HPSE2: variants seen among roughly 807,000 people sequenced by gnomAD.
The protein encoded by HPSE2 is heparanase 2 (inactive), also known as inactive heparanase-2.
HPSE2 carries 38 observed loss-of-function variants against 60.5 expected under a neutral mutation model. The observed-to-expected ratio is 0.63, with a 90% CI of 0.48 to 0.82. The LOEUF (loss-of-function observed/expected upper bound fraction) is 0.82, where lower values mean the gene tolerates loss of function less well. Ranked by LOEUF, HPSE2 falls within the 40% of genes least tolerant of loss-of-function variation. HPSE2 has a pLI of 0.00. For missense variants in HPSE2, 713 were observed against 740.4 expected (o/e 0.96, Z 0.43); for synonymous variants, 295 against 293.2 (o/e 1.01, Z -0.06).
At chr10:99,116,370 T>C (rs1844691280) in intron 3 of HPSE2, among the ~76,000 whole-genome samples, 1 of 152,226 alleles carries the variant, frequency 6.6e-6, no homozygotes, top group African/African-American at 2.4e-5. Flanking sequence ...TTGGCATTTA[T>C]ATTTTTACAG....
chr10:98,970,064 C>T (rs183327095), intron 3 of HPSE2, among the ~76,000 whole-genome samples: 11 of 151,950 alleles, frequency 7.2e-5, no homozygotes, highest in East Asian at 1.9e-4. Context: ...CAGGTTCAAG[C>T]GATTCTCCTG....
chr10:99,059,159 GC>G (rs1465388376), intron 3 of HPSE2, among the ~76,000 whole-genome samples: 4 of 152,216 alleles, frequency 2.6e-5, no homozygotes, highest in African/African-American at 9.6e-5. Flanking sequence ...CAGGAAGCAG[GC>G]CAGATTTGGC....
At chr10:98,557,626 A>G (rs1026626742) in intron 9 of HPSE2, among the ~76,000 whole-genome samples, 7 of 152,200 alleles carry the variant, frequency 4.6e-5, no homozygotes, top group African/African-American at 1.7e-4. Flanking sequence ...AAACTGGACA[A>G]TGTTAAAGTT....
intron 3 of HPSE2, among the ~76,000 whole-genome samples, chr10:99,037,998 A>G (rs918512342): frequency 1.8e-4 from 27 of 152,150 alleles, no homozygotes; most frequent in Admixed American, 6.5e-4. Context: ...ATATCACTAC[A>G]TATCTATTCC....
chr10:99,061,066 C>T (rs545156586), intron 3 of HPSE2, among the ~76,000 whole-genome samples: 1 of 151,886 alleles, frequency 6.6e-6, no homozygotes, highest in East Asian at 1.9e-4. Context: ...GTGAGGGAGA[C>T]AACAATAAAG....
chr10:98,580,383 A>G (rs554480191), intron 9 of HPSE2, among the ~76,000 whole-genome samples: 1 of 152,146 alleles, frequency 6.6e-6, no homozygotes, highest in South Asian at 2.1e-4. Context: ...CACATCTACT[A>G]GTGAAATAGG....
At chr10:98,696,393 G>A (rs1298274283) in intron 5 of HPSE2, among the ~76,000 whole-genome samples, 3 of 151,838 alleles carry the variant, frequency 2.0e-5, no homozygotes, top group African/African-American at 7.3e-5. Context: ...TAGGCAGCTG[G>A]CGTGACCCAC....
At chr10:98,493,923 C>CTT (rs1941744782) in intron 9 of HPSE2, among the ~76,000 whole-genome samples, 1 of 152,062 alleles carries the variant, frequency 6.6e-6, no homozygotes, top group Admixed American at 6.6e-5. Flanking sequence ...TGTTTAAATT[C>CTT]CTTTCTCATT....
At chr10:98,522,839 G>A (rs1198074659) in intron 9 of HPSE2, among the ~76,000 whole-genome samples, 1 of 152,202 alleles carries the variant, frequency 6.6e-6, no homozygotes, top group Non-Finnish European at 1.5e-5. Flanking sequence ...CAGAAGTCCT[G>A]CATCTTATCC....
At chr10:98,872,113 T>C (rs1195897176) in intron 3 of HPSE2, among the ~76,000 whole-genome samples, 1 of 152,082 alleles carries the variant, frequency 6.6e-6, no homozygotes, top group Non-Finnish European at 1.5e-5. Flanking sequence ...CGTTACTATA[T>C]GGACTAGTAC....
the HPSE2 span, among the ~76,000 whole-genome samples, chr10:99,306,073 CACAG>C: frequency 1.2e-4 from 18 of 149,916 alleles, no homozygotes; most frequent in Middle Eastern, 3.4e-3. Context: ...ATGAAGAAGA[CACAG>C]ACAGAGAGGG....
chr10:98,915,353 T>C (rs1173572292), intron 3 of HPSE2, among the ~76,000 whole-genome samples: 1 of 152,024 alleles, frequency 6.6e-6, no homozygotes, highest in Non-Finnish European at 1.5e-5. Context: ...TTCACTGTGT[T>C]AGCCAGGATG....
At chr10:98,854,976 C>T (rs962775943) in intron 3 of HPSE2, among the ~76,000 whole-genome samples, 1 of 152,144 alleles carries the variant, frequency 6.6e-6, no homozygotes, top group Non-Finnish European at 1.5e-5. Flanking sequence ...TAAAGAACTT[C>T]ACTGTCACCT....
intron 4 of HPSE2, among the ~76,000 whole-genome samples, chr10:98,722,555 G>T (rs886965253): frequency 7.2e-5 from 11 of 152,062 alleles, no homozygotes; most frequent in Non-Finnish European, 1.6e-4. Context: ...ATGGTAAGAA[G>T]TGAAATCTTC....
intron 3 of HPSE2, among the ~76,000 whole-genome samples, chr10:98,768,916 G>A (rs1950182468): frequency 6.6e-6 from 1 of 152,068 alleles, no homozygotes; most frequent in Admixed American, 6.6e-5. Context: ...CCAGGCTGGT[G>A]GCAAGCACCT....
At chr10:99,266,891 A>G in the HPSE2 span, among the ~76,000 whole-genome samples, 1 of 152,138 alleles carries the variant, frequency 6.6e-6, no homozygotes, top group Admixed American at 6.5e-5. Flanking sequence ...TAGATCCAGA[A>G]GACAAATAAC....
intron 3 of HPSE2, among the ~76,000 whole-genome samples, chr10:99,061,427 G>A (rs1175719597): frequency 6.6e-6 from 1 of 152,180 alleles, no homozygotes; most frequent in East Asian, 1.9e-4. Flanking sequence ...ACTAAATGTA[G>A]CTGGGGTTTG....
chr10:98,861,762 C>G (rs2134781170), intron 3 of HPSE2, among the ~76,000 whole-genome samples: 1 of 152,112 alleles, frequency 6.6e-6, no homozygotes, highest in South Asian at 2.1e-4. Flanking sequence ...ACTGGACAAT[C>G]AAAAGATAAT....
rs371089049 is a variant in HPSE2 at position 98,459,649 on chromosome 10, T to C, written c.1704A>G (p.Thr568=). The C allele has an allele frequency of 7.9e-5, 127 of 1,614,044 alleles. 2 individuals are homozygous for C. Among genetic ancestry groups the C allele is most frequent in the South Asian group, 5.9e-4 (54 of 91,090 alleles). The change falls in exon 12 of 12, where the codon ACA becomes ACG. Residue 568 remains threonine (T), a synonymous_variant. Coordinates refer to ENST00000370552, the MANE Select transcript of HPSE2 (RefSeq NM_021828.5). Reference sequence around the variant, plus strand: ...CCATGGTGACTGGAGGGATGACCAATGTCCGGCCGGCCCGAAGGGGGCGGG... The same window carrying C: ...CCATGGTGACTGGAGGGATGACCAACGTCCGGCCGGCCCGAAGGGGGCGGG... ...LKPRPLRAGR[T]LVIPPVTMGF... is the part of the protein sequence containing the mutation.
Sources: allele counts gnomAD v4.1 joint callset (sites outside exome capture counted in the v4.1 genomes callset), GRCh38; gene constraint gnomAD v4.1.1; transcripts MANE v1.5; gene names NCBI Gene and HGNC (gene_info 2026-07-23, HGNC 2026-07-21).